ARHGAP21: variants seen among roughly 807,000 people sequenced by gnomAD.
ARHGAP21 encodes the protein rho GTPase-activating protein 21.
ARHGAP21 carries 38 observed loss-of-function variants against 164.6 expected under a neutral mutation model. The ratio of observed to expected loss-of-function variants is 0.23; its 90% CI spans 0.18 to 0.30. ARHGAP21 has a LOEUF of 0.30. Among genes scored for constraint, ARHGAP21 ranks in the 10% least tolerant of loss-of-function variants. The probability of loss-of-function intolerance (pLI) is 1.00; values close to 1 mark genes in which losing one functional copy is unlikely to be tolerated. For synonymous variants in ARHGAP21, 766 were observed against 857.9 expected (o/e 0.89, Z 1.87); for missense variants, 1,822 against 2,370.7 (o/e 0.77, Z 4.81).
At position 24,695,050 on chromosome 10, in the gene ARHGAP21, C is replaced by CAAAAAAAAAAAAAAAA. The variant is rs570457905; in HGVS notation, c.64-24669_64-24654dup. Among the ~76,000 whole-genome samples, 20 of 78,504 alleles carry CAAAAAAAAAAAAAAAA rather than the reference C, an allele frequency of 2.5e-4. 2 individuals are homozygous for CAAAAAAAAAAAAAAAA. Among genetic ancestry groups the CAAAAAAAAAAAAAAAA allele is most frequent in the Non-Finnish European group, 4.0e-4 (17 of 42,078 alleles). The allele number at this position is 78,504 out of a possible 152,430, so 51.5% of individuals were successfully genotyped here. On this transcript the variant is annotated intron_variant, in intron 2 of 25. Transcript: ENST00000396432. ...TGGGTAACAGAGCAAAATTCCATCTCAAAAAAAAAAAAAAAAAAAAAAAAA... is the reference window on the plus strand; with the variant it reads ...TGGGTAACAGAGCAAAATTCCATCTCAAAAAAAAAAAAAAAAAAAAAAAAAAAAAAAAAAAAAAAAA...
At chr10:24,626,591 G>C (rs1835165381) in intron 7 of ARHGAP21, among the ~76,000 whole-genome samples, 2 of 152,084 alleles carry the variant, frequency 1.3e-5, no homozygotes, top group African/African-American at 2.4e-5. Context: ...AAATTTCTTT[G>C]TTTATAGGCC....
intron 4 of ARHGAP21, among the ~76,000 whole-genome samples, chr10:24,666,048 G>C (rs1840163648): frequency 6.6e-6 from 1 of 152,040 alleles, no homozygotes; most frequent in Non-Finnish European, 1.5e-5. Context: ...TTTGTTTTTT[G>C]AGACGGAGTC....
At chr10:24,704,847 C>CTGGTATTACAGG (rs1208747484) in intron 2 of ARHGAP21, among the ~76,000 whole-genome samples, 4 of 152,084 alleles carry the variant, frequency 2.6e-5, no homozygotes, top group Admixed American at 1.3e-4. Context: ...CTCAAGTGAT[C>CTGGTATTACAGG]CTCCCAAGGT....
Position 24,692,361 on chromosome 10 carries a change from G to A in ARHGAP21, c.64-21964C>T, listed in dbSNP as rs1047091910. On this transcript the variant is annotated intron_variant, in intron 2 of 25. Coordinates refer to ENST00000396432, the MANE Select transcript of ARHGAP21 (RefSeq NM_020824.4). ...CCATGGAAAGTATAGATTACGGGGG[G>A]AAAAACTGGTACAATTCTTCTTACT... Among the ~76,000 whole-genome samples, 5 of 152,144 alleles carry A rather than the reference G, an allele frequency of 3.3e-5. No individual in the cohort carries two copies. The South Asian group carries it at 6.2e-4, about 19-fold the overall frequency.
chr10:24,634,425 T>C (rs1404779167), intron 5 of ARHGAP21, among the ~76,000 whole-genome samples: 1 of 152,202 alleles, frequency 6.6e-6, no homozygotes, highest in Non-Finnish European at 1.5e-5. Flanking sequence ...AAAAGAGTAT[T>C]TTAGAGTGTG....
At chr10:24,723,294 C>A (rs1158610749) in intron 1 of ARHGAP21, 1 of 151,306 alleles carries the variant, frequency 6.6e-6, no homozygotes, top group Non-Finnish European at 1.5e-5. Context: ...AGGCGCCCCT[C>A]CTCCAAGGCT....
At chr10:24,650,394 G>C (rs756499476) in intron 4 of ARHGAP21, among the ~76,000 whole-genome samples, 7 of 152,064 alleles carry the variant, frequency 4.6e-5, no homozygotes, top group Non-Finnish European at 1.0e-4. Flanking sequence ...AGATAGGAAG[G>C]AGATAATGGA....
At chr10:24,651,866 AT>A (rs1181194099) in intron 4 of ARHGAP21, among the ~76,000 whole-genome samples, 2 of 152,186 alleles carry the variant, frequency 1.3e-5, no homozygotes, top group Admixed American at 1.3e-4. Flanking sequence ...TTCCAACAGA[AT>A]TTTTTTCATG....
chr10:24,713,738 A>T (rs1845081449), intron 2 of ARHGAP21, among the ~76,000 whole-genome samples: 1 of 151,516 alleles, frequency 6.6e-6, no homozygotes, highest in African/African-American at 2.4e-5. Flanking sequence ...CTCCCAAAGT[A>T]CTGGGATGAC....
At chr10:24,605,338 G>A (rs2076977480) in intron 11 of ARHGAP21, among the ~76,000 whole-genome samples, 1 of 152,192 alleles carries the variant, frequency 6.6e-6, no homozygotes, top group Admixed American at 6.5e-5. Flanking sequence ...TTGTTACCAT[G>A]GAGTATCAGA....
At chr10:24,678,345 A>C (rs1042588685) in intron 2 of ARHGAP21, among the ~76,000 whole-genome samples, 1 of 152,110 alleles carries the variant, frequency 6.6e-6, no homozygotes, top group Non-Finnish European at 1.5e-5. Flanking sequence ...CATACCAGTC[A>C]AGATACAGAA....
intron 2 of ARHGAP21, among the ~76,000 whole-genome samples, chr10:24,687,649 G>A (rs1034966047): frequency 6.6e-6 from 1 of 152,146 alleles, no homozygotes; most frequent in African/African-American, 2.4e-5. Context: ...TGTTTACTCT[G>A]AATCAAGGAA....
chr10:24,704,581 C>T (rs1844042733), intron 2 of ARHGAP21, among the ~76,000 whole-genome samples: 1 of 151,958 alleles, frequency 6.6e-6, no homozygotes, highest in Admixed American at 6.6e-5. Flanking sequence ...TCTCATGCCT[C>T]AGCCTCCCAA....
chr10:24,635,236 G>T, intron 4 of ARHGAP21, 133 bp from the exon 5 acceptor site: 1 of 540,324 alleles, frequency 1.9e-6, no homozygotes, highest in Non-Finnish European at 3.1e-6. Context: ...GAATTTGGAT[G>T]CTAAAATTAT....
Position 24,619,695 on chromosome 10 carries a change from C to T in ARHGAP21, c.2200G>A (p.Ala734Thr). ...GGAGGTTTTTCCCTTAGGATGACAG[C>T]TTCTTTATTATCTAAAGTATCTGAT... Reference protein sequence around the residue: ...EQSDTLDNKEAVILREKPPSG... With the variant: ...EQSDTLDNKETVILREKPPSG... Residue 734 changes from alanine (A) to threonine (T), a missense_variant, in exon 9 of 26, where the codon GCT (alanine) becomes ACT (threonine). Coordinates refer to ENST00000396432, the MANE Select transcript of ARHGAP21 (RefSeq NM_020824.4). 1 of 1,614,122 alleles carries T rather than the reference C, an allele frequency of 6.2e-7. No individual in the cohort carries two copies. The highest frequency in any genetic ancestry group is 2.2e-5 in the East Asian group (1 of 44,886).
intron 7 of ARHGAP21, chr10:24,628,961 TATATATATATATATA>T (rs1835503335): frequency 7.1e-5 from 1 of 14,116 alleles, no homozygotes; most frequent in Non-Finnish European, 1.4e-4. Context: ...ACTATATATA[TATATATATATATATA>T]TATATATTTT....
intron 2 of ARHGAP21, among the ~76,000 whole-genome samples, chr10:24,690,912 A>G (rs1842718527): frequency 6.6e-6 from 1 of 151,710 alleles, no homozygotes; most frequent in African/African-American, 2.4e-5. Flanking sequence ...ACACATATAA[A>G]ACATAGAAAG....
intron 9 of ARHGAP21, among the ~76,000 whole-genome samples, chr10:24,616,575 C>A (rs530998821): frequency 6.6e-6 from 1 of 152,318 alleles, no homozygotes; most frequent in South Asian, 2.1e-4. Context: ...ACTGAGCACA[C>A]ACGCAGCCAA....
At chr10:24,652,838 C>A (rs1838329795) in intron 4 of ARHGAP21, among the ~76,000 whole-genome samples, 1 of 152,138 alleles carries the variant, frequency 6.6e-6, no homozygotes, top group South Asian at 2.1e-4. Context: ...GGTACGGTCC[C>A]CTCAGAAAAC....
Sources: allele counts gnomAD v4.1 joint callset (sites outside exome capture counted in the v4.1 genomes callset), GRCh38; gene constraint gnomAD v4.1.1; transcripts MANE v1.5; gene names NCBI Gene and HGNC (gene_info 2026-07-23, HGNC 2026-07-21).